Variants in TTC17 observed in about 807,000 individuals in gnomAD.
TTC17 encodes the protein tetratricopeptide repeat protein 17.
Under a neutral mutation model 143.8 loss-of-function variants are expected in TTC17, and 58 were observed. The observed-to-expected ratio is 0.40, with a 90% CI of 0.33 to 0.50. The LOEUF (loss-of-function observed/expected upper bound fraction) is 0.50. Among genes scored for constraint, TTC17 ranks in the 20% least tolerant of loss-of-function variants. TTC17 has a pLI of 0.49. For synonymous variants in TTC17, 501 were observed against 497.8 expected (o/e 1.01, Z -0.09); for missense variants, 1,273 against 1,392.5 (o/e 0.91, Z 1.37).
At chr11:43,359,331 A>C in intron 1 of TTC17, 3 of 542,746 alleles carry the variant, frequency 5.5e-6, no homozygotes, top group Non-Finnish European at 8.9e-6. Flanking sequence ...AGAAGTTCTC[A>C]CCCTTCCACC....
intron 2 of TTC17, among the ~76,000 whole-genome samples, chr11:43,389,208 G>A (rs1857287830): frequency 6.6e-6 from 1 of 151,954 alleles, no homozygotes; most frequent in African/African-American, 2.4e-5. Flanking sequence ...GTGAAAATGT[G>A]GATATTTGTG....
intron 16 of TTC17, among the ~76,000 whole-genome samples, chr11:43,428,922 T>C (rs1466802230): frequency 6.6e-6 from 1 of 152,242 alleles, no homozygotes; most frequent in African/African-American, 2.4e-5. Context: ...CTCTTTGCCA[T>C]TGTACTTTTG....
intron 16 of TTC17, among the ~76,000 whole-genome samples, chr11:43,418,131 T>C (rs1388324001): frequency 6.6e-6 from 1 of 152,352 alleles, no homozygotes; most frequent in South Asian, 2.1e-4. Flanking sequence ...ATAAAGACTT[T>C]ATAGCTAAAA....
chr11:43,414,706 C>T lies in TTC17; in HGVS notation c.2181C>T (p.Asn727=), dbSNP rs1482972206. 1.2e-6 allele frequency: 2 copies of T among 1,613,784 alleles called. No homozygotes were observed. Among genetic ancestry groups the T allele is most frequent in the Non-Finnish European group, 1.7e-6 (2 of 1,179,788 alleles). The change falls in exon 16 of 24, where the codon AAC becomes AAT. Residue 727 remains asparagine (N), a synonymous_variant. Transcript: ENST00000039989. ...KLTTKCPECE[N]SLKLIRCMQF... ...CCACCAAATGTCCAGAGTGTGAAAA[C>T]AGCCTGAAGTTGATCCGCTGTATGC...
rs374742662 is a variant in TTC17 at position 43,405,612 on chromosome 11, G to A, written c.1578G>A (p.Pro526=). ...AATTGCCAACGTATTTTCTGCCTCC[G>A]GAAAACAAAGGACTCAGGCAAGTGG... ...GGELPTYFLP[P]ENKGLRIHEL... is the part of the protein sequence containing the mutation. Residue 526 remains proline (P), a synonymous_variant, in exon 12 of 24, where the codon CCG becomes CCA. Transcript: ENST00000039989. 4.3e-5 allele frequency: 70 copies of A among 1,613,860 alleles called. No homozygotes were observed. The highest frequency in any genetic ancestry group is 1.7e-4 in the Middle Eastern group (1 of 6,060).
chr11:43,389,890 A>G, intron 3 of TTC17, 69 bp downstream of exon 3: 1 of 1,412,158 alleles, frequency 7.1e-7, no homozygotes, highest in African/African-American at 1.4e-5. Context: ...TTAGTAAGAA[A>G]TTATTTCTGT....
intron 15 of TTC17, among the ~76,000 whole-genome samples, chr11:43,410,618 G>T (rs1046503981): frequency 6.6e-6 from 1 of 152,122 alleles, no homozygotes; most frequent in Non-Finnish European, 1.5e-5. Context: ...CCCTTTTCCT[G>T]TTGAATTACC....
Position 43,492,010 on chromosome 11 carries a change from C to T in TTC17, c.3151-10C>T. On this transcript the variant is annotated splice_polypyrimidine_tract_variant and intron_variant, in intron 22 of 23. Coordinates refer to ENST00000039989, the MANE Select transcript of TTC17 (RefSeq NM_018259.6). ...ATTTTCCCTTCTCACCATTCTCCTT[C>T]TTCTCCCAGGATGTGCCCCTGATTA... is the stretch of plus-strand genomic sequence containing the variant. The T allele has an allele frequency of 6.2e-7, 1 of 1,612,246 alleles. No individual in the cohort carries two copies.
At chr11:43,380,550 C>T (rs775727213) in intron 2 of TTC17, among the ~76,000 whole-genome samples, 31 of 151,488 alleles carry the variant, frequency 2.0e-4, no homozygotes, top group Admixed American at 3.3e-4. Context: ...TCACCGTGCC[C>T]GGCCAAAAGC....
intron 16 of TTC17, chr11:43,436,119 G>A (rs1366613315): frequency 4.7e-6 from 6 of 1,268,108 alleles, no homozygotes; most frequent in Non-Finnish European, 6.0e-6. Flanking sequence ...AGTACTACAC[G>A]AGAGATATTT....
intron 16 of TTC17, among the ~76,000 whole-genome samples, chr11:43,443,016 G>C (rs1291092916): frequency 4.6e-5 from 7 of 152,156 alleles, no homozygotes; most frequent in Non-Finnish European, 1.0e-4. Flanking sequence ...TTTGAATGTA[G>C]AGCAAGTGGA....
chr11:43,400,065 A>G lies in TTC17; in HGVS notation c.1219+17A>G. 6.2e-7 allele frequency: 1 copy of G among 1,607,334 alleles called. No homozygotes were observed. Among genetic ancestry groups the G allele is most frequent in the Non-Finnish European group, 8.5e-7 (1 of 1,177,256 alleles). ...CACAATTAGGTAAGTAGTGACTCCA[A>G]GTAATTGAAGACAGGTTAGGAAATT... On this transcript the variant is annotated intron_variant, in intron 9 of 23. Transcript: ENST00000039989.
At chr11:43,454,023 C>T (rs1464959990) in intron 21 of TTC17, among the ~76,000 whole-genome samples, 1 of 152,090 alleles carries the variant, frequency 6.6e-6, no homozygotes, top group Non-Finnish European at 1.5e-5. Context: ...ATACCCATTG[C>T]TTTCACATTG....
chr11:43,381,764 G>A (rs1394753684), intron 2 of TTC17, among the ~76,000 whole-genome samples: 1 of 152,160 alleles, frequency 6.6e-6, no homozygotes, highest in African/African-American at 2.4e-5. Context: ...ATGAGACCTA[G>A]ATGATGGTCA....
chr11:43,364,045 C>CACTTTTTTTTTTTTT (rs1565126087), intron 1 of TTC17, among the ~76,000 whole-genome samples: 1 of 139,966 alleles, frequency 7.1e-6, no homozygotes. Context: ...AGTACAGATC[C>CACTTTTTTTTTTTTT]TCTTTTTTTT....
intron 16 of TTC17, among the ~76,000 whole-genome samples, chr11:43,416,653 A>C (rs1404364692): frequency 1.3e-5 from 2 of 152,152 alleles, no homozygotes; most frequent in Non-Finnish European, 2.9e-5. Flanking sequence ...CAATAAGAGA[A>C]AATAACTTGA....
intron 22 of TTC17, chr11:43,490,788 G>A (rs1948460132): frequency 7.6e-6 from 1 of 132,156 alleles, no homozygotes; most frequent in African/African-American, 2.8e-5. Flanking sequence ...AGAGATAGAA[G>A]CAAATTTCCA....
At chr11:43,465,885 G>A (rs1487675969) in intron 21 of TTC17, among the ~76,000 whole-genome samples, 1 of 152,120 alleles carries the variant, frequency 6.6e-6, no homozygotes, top group African/African-American at 2.4e-5. Context: ...GTATTTCTTG[G>A]ATATGACACC....
intron 2 of TTC17, 137 bp downstream of exon 2, chr11:43,379,459 T>A: frequency 6.5e-6 from 2 of 306,576 alleles, no homozygotes; most frequent in Non-Finnish European, 1.1e-5. Flanking sequence ...CTACCTGCAA[T>A]GTGTGTGTGT....
Sources: gnomAD v4.1 joint callset for allele counts (sites outside exome capture counted in the v4.1 genomes callset) on GRCh38, gnomAD v4.1.1 for gene constraint, MANE v1.5 for transcripts, NCBI Gene and HGNC (gene_info 2026-07-23, HGNC 2026-07-21) for gene names.